Variants in TRPC5 observed in about 807,000 individuals in gnomAD.
TRPC5 encodes short transient receptor potential channel 5.
A neutral mutation model predicts 56.5 loss-of-function variants in TRPC5; 9 were observed. The observed-to-expected ratio is 0.16, with a 90% confidence interval of 0.10 to 0.28. The LOEUF is 0.28. Among genes scored for constraint, TRPC5 ranks in the 10% least tolerant of loss-of-function variants. The probability of loss-of-function intolerance (pLI) is 1.00; values close to 1 mark genes in which losing one functional copy is unlikely to be tolerated. For missense variants in TRPC5, 469 were observed against 748.9 expected, an observed-to-expected ratio of 0.63 and a Z score of 4.36; for synonymous variants, 282 against 278.5, an observed-to-expected ratio of 1.01 and a Z score of -0.13.
chrX:111,810,517 A>G (rs1921669838), intron 7 of TRPC5, among the ~76,000 whole-genome samples: 1 of 112,120 alleles, frequency 8.9e-6, no homozygotes, highest in Admixed American at 9.5e-5. Context: ...TAATTATATG[A>G]CTTTCTGGCA....
intron 2 of TRPC5, among the ~76,000 whole-genome samples, chrX:111,948,953 G>T (rs1927003326): frequency 9.0e-6 from 1 of 111,279 alleles, no homozygotes; most frequent in African/African-American, 3.3e-5. Flanking sequence ...AAATAACCAA[G>T]AAAGATCAAC....
chrX:111,967,329 AG>A (rs1927622822), intron 1 of TRPC5, among the ~76,000 whole-genome samples: 1 of 110,978 alleles, frequency 9.0e-6, no homozygotes, highest in Non-Finnish European at 1.9e-5. Context: ...GAAATAAAAG[AG>A]GATACAAACA....
chrX:111,860,639 T>C (rs1302712807), intron 3 of TRPC5, among the ~76,000 whole-genome samples: 1 of 112,360 alleles, frequency 8.9e-6, no homozygotes, highest in Non-Finnish European at 1.9e-5. Flanking sequence ...ACAAAGAAAT[T>C]TGGTTATTTT....
At chrX:111,963,941 C>T (rs1253414148) in intron 1 of TRPC5, among the ~76,000 whole-genome samples, 2 of 112,179 alleles carry the variant, frequency 1.8e-5, no homozygotes, top group African/African-American at 6.5e-5. Context: ...AGGAACGCAG[C>T]TCCTCACCAG....
intron 5 of TRPC5, among the ~76,000 whole-genome samples, chrX:111,849,160 A>AT: frequency 8.9e-6 from 1 of 111,904 alleles, no homozygotes; most frequent in East Asian, 2.8e-4. Flanking sequence ...ATAATTTGGG[A>AT]TTTTCTCTCT....
At chrX:111,982,797 C>G (rs1055116547) in intron 1 of TRPC5, among the ~76,000 whole-genome samples, 3 of 111,099 alleles carry the variant, frequency 2.7e-5, no homozygotes, top group African/African-American at 9.8e-5. Context: ...GAGCAGGAAA[C>G]AAAAATCTTG....
chrX:111,912,919 G>A (rs892693529), intron 2 of TRPC5, 107 bp from the exon 3 acceptor site: 24 of 892,145 alleles, frequency 2.7e-5, no homozygotes, highest in Non-Finnish European at 3.7e-5. Context: ...CTCCATTCTT[G>A]TTTCAATTCT....
At chrX:111,805,415 C>T (rs1411289163) in intron 7 of TRPC5, among the ~76,000 whole-genome samples, 1 of 111,360 alleles carries the variant, frequency 9.0e-6, no homozygotes, top group Non-Finnish European at 1.9e-5. Flanking sequence ...GGACTAGTTT[C>T]AGAAGGAATG....
At chrX:111,898,351 A>G (rs1336587990) in intron 3 of TRPC5, among the ~76,000 whole-genome samples, 3 of 106,474 alleles carry the variant, frequency 2.8e-5, no homozygotes, top group African/African-American at 1.0e-4. Context: ...TTGAAAGTTC[A>G]TTGTCAGATA....
chrX:112,051,000 G>A (rs1434323702), intron 1 of TRPC5, among the ~76,000 whole-genome samples: 1 of 112,478 alleles, frequency 8.9e-6, no homozygotes, highest in Non-Finnish European at 1.9e-5. Context: ...GTGTATACCC[G>A]ATATCTACTC....
intron 3 of TRPC5, among the ~76,000 whole-genome samples, chrX:111,865,367 G>A (rs1471202030): frequency 2.0e-5 from 2 of 99,035 alleles, no homozygotes; most frequent in Non-Finnish European, 4.0e-5. Flanking sequence ...TCATTCTGTC[G>A]CCAGGCTAGA....
chrX:111,953,518 G>A (rs1927148741), intron 1 of TRPC5, among the ~76,000 whole-genome samples: 1 of 111,601 alleles, frequency 9.0e-6, no homozygotes, highest in Non-Finnish European at 1.9e-5. Flanking sequence ...TGTGAGATGG[G>A]AATGATTATC....
In TRPC5 at chrX:111,974,856, T is replaced by C. The variant is rs113627508; in HGVS notation, c.-21-22415A>G. Among the ~76,000 whole-genome samples the C allele has an allele frequency of 4.6e-4, 52 of 112,079 alleles. 1 individual carries two copies. The highest frequency in any genetic ancestry group is 1.6e-3 in the African/African-American group (50 of 30,851). Reference sequence around the variant, plus strand: ...CACAAAAATTGTTTTTAAAATAATTTACAAAATCCATGGCAATTGTTTAAC... The same window carrying C: ...CACAAAAATTGTTTTTAAAATAATTCACAAAATCCATGGCAATTGTTTAAC... On this transcript the variant is annotated intron_variant, in intron 1 of 10. Coordinates refer to ENST00000262839, the MANE Select transcript of TRPC5 (RefSeq NM_012471.3).
chrX:112,055,585 A>T (rs1032079237), intron 1 of TRPC5, among the ~76,000 whole-genome samples: 1 of 109,824 alleles, frequency 9.1e-6, no homozygotes, highest in African/African-American at 3.3e-5. Flanking sequence ...GTGAAAGCCA[A>T]AAAGATTTTC....
At chrX:111,884,207 T>A (rs1924364045) in intron 3 of TRPC5, among the ~76,000 whole-genome samples, 1 of 112,658 alleles carries the variant, frequency 8.9e-6, no homozygotes. Flanking sequence ...CTAACTGACT[T>A]GGTTAAGGTA....
chrX:111,999,169 C>T (rs1242862130), intron 1 of TRPC5, among the ~76,000 whole-genome samples: 1 of 111,147 alleles, frequency 9.0e-6, no homozygotes, highest in African/African-American at 3.3e-5. Context: ...GTTCAACTCC[C>T]ACTTATGAGT....
chrX:111,809,342 A>C (rs933983366), intron 7 of TRPC5, among the ~76,000 whole-genome samples: 1 of 111,443 alleles, frequency 9.0e-6, no homozygotes, highest in African/African-American at 3.3e-5. Context: ...GTTGGGATGA[A>C]CAGTTCCCCT....
rs752823724 is a variant in TRPC5 at position 111,809,568 on chromosome X, T to A, written c.1896+25353A>T. ...AAGGATGGTGTCGGGAATGCGTGAC[T>A]GTCTTTTCTACCCTCTTCAGTGTCT... is the stretch of plus-strand genomic sequence containing the variant. On this transcript the variant is annotated intron_variant, in intron 7 of 10. Transcript: ENST00000262839. Among the ~76,000 whole-genome samples the A allele has an allele frequency of 8.9e-5, 10 of 112,297 alleles. No homozygotes were observed. The South Asian group carries it at 3.8e-3, about 42-fold the overall frequency.
At chrX:111,934,735 C>G (rs1359711381) in intron 2 of TRPC5, among the ~76,000 whole-genome samples, 1 of 111,657 alleles carries the variant, frequency 9.0e-6, no homozygotes, top group Non-Finnish European at 1.9e-5. Context: ...TCTTTCTGTA[C>G]CCAGCTTAAT....
Sources: gnomAD v4.1 joint callset for allele counts (sites outside exome capture counted in the v4.1 genomes callset) on GRCh38, gnomAD v4.1.1 for gene constraint, MANE v1.5 for transcripts, NCBI Gene and HGNC (gene_info 2026-07-23, HGNC 2026-07-21) for gene names.